The following SLCO4C1 variants were observed in gnomAD, a reference collection of about 807,000 sequenced individuals.
The protein encoded by SLCO4C1 is solute carrier organic anion transporter family member 4C1, also known as organic anion transporter M1.
SLCO4C1 carries 58 observed loss-of-function variants against 72.1 expected under a neutral mutation model. The ratio of observed to expected loss-of-function variants is 0.80; its 90% CI spans 0.65 to 1.00. The LOEUF (loss-of-function observed/expected upper bound fraction) is 1.00. Among genes scored for constraint, SLCO4C1 ranks in the 50% least tolerant of loss-of-function variants. SLCO4C1 has a pLI of 0.00. For synonymous variants in SLCO4C1, 297 were observed against 312.5 expected (o/e 0.95, Z 0.52); for missense variants, 898 against 857.9 (o/e 1.05, Z -0.58).
At position 102,257,328 on chromosome 5, in the gene SLCO4C1, T is replaced by A. The variant is rs779471618; in HGVS notation, c.1274-18A>T. On this transcript the variant is annotated intron_variant, in intron 7 of 12. Transcript: ENST00000310954. ...AACAGCCCCTAATAAGAAAAAAGAA[T>A]GTAGATTGTGAGAAACCATACACAT... 7 of 1,562,786 alleles carry A rather than the reference T, an allele frequency of 4.5e-6. No homozygotes were observed. The African/African-American group carries it at 5.5e-5, about 12-fold the overall frequency.
rs377383104 is a variant in SLCO4C1, at chr5:102,280,486, A to G, written c.620-9680T>C. 2.0e-5 allele frequency among the ~76,000 whole-genome samples: 3 copies of G among 152,144 alleles called. No homozygotes were observed. The South Asian group carries it at 6.2e-4, about 31-fold the overall frequency. On this transcript the variant is annotated intron_variant, in intron 2 of 12. Coordinates refer to ENST00000310954, the MANE Select transcript of SLCO4C1 (RefSeq NM_180991.5). The stretch of plus-strand genomic sequence containing the variant: ...ATCTAAATAAATGGAGTATAAATCC[A>G]TATATATTCATGGATTGGAAGACCC...
At chr5:102,256,118 C>G (rs1008676766) in intron 8 of SLCO4C1, among the ~76,000 whole-genome samples, 1 of 152,058 alleles carries the variant, frequency 6.6e-6, no homozygotes, top group Admixed American at 6.6e-5. Context: ...AGACAAGAAT[C>G]ATTTGAATTC....
chr5:102,269,652 C>T (rs77578707), intron 3 of SLCO4C1, among the ~76,000 whole-genome samples: 5,215 of 152,144 alleles, frequency 0.034, 105 homozygotes, highest in Middle Eastern at 0.061. Flanking sequence ...TTCTTTAAGA[C>T]CATTAGCTCA....
intron 2 of SLCO4C1, among the ~76,000 whole-genome samples, chr5:102,271,875 A>G (rs1292831573): frequency 2.0e-5 from 3 of 152,124 alleles, no homozygotes; most frequent in African/African-American, 4.8e-5. Context: ...GGCTATGTCT[A>G]TGTAATATGT....
intron 6 of SLCO4C1, among the ~76,000 whole-genome samples, chr5:102,258,440 T>G (rs952534424): frequency 1.3e-5 from 2 of 152,184 alleles, no homozygotes; most frequent in Non-Finnish European, 2.9e-5. Flanking sequence ...ATTTGATATT[T>G]TATTGTGTTC....
intron 1 of SLCO4C1, among the ~76,000 whole-genome samples, chr5:102,294,442 C>G (rs1481003027): frequency 2.6e-5 from 4 of 151,914 alleles, no homozygotes; most frequent in Admixed American, 2.6e-4. Context: ...CTAGGAGTGA[C>G]AATTACATTT....
intron 2 of SLCO4C1, among the ~76,000 whole-genome samples, chr5:102,289,948 T>C (rs1749522948): frequency 6.6e-6 from 1 of 152,236 alleles, no homozygotes. Context: ...TTTGTTATCA[T>C]TCTAGAATTG....
intron 8 of SLCO4C1, 24 bp from the exon 9 acceptor site, chr5:102,249,812 G>A: frequency 6.2e-7 from 1 of 1,605,768 alleles, no homozygotes; most frequent in Non-Finnish European, 8.5e-7. Flanking sequence ...ATGAAAGAAG[G>A]GTAAATGATC....
rs555455151 is a variant in SLCO4C1 at position 102,242,656 on chromosome 5, T to C, written c.1812-1874A>G. 3.3e-3 allele frequency among the ~76,000 whole-genome samples: 504 copies of C among 152,234 alleles called. 6 individuals carry two copies. Among genetic ancestry groups the C allele is most frequent in the African/African-American group, 0.012 (491 of 41,546 alleles). ...ACCAGTCCTGACAGCGTTCATATAC[T>C]TTTAAGTCATGAAGAGCCCTTGGGC... On this transcript the variant is annotated intron_variant, in intron 10 of 12. Coordinates refer to ENST00000310954, the MANE Select transcript of SLCO4C1 (RefSeq NM_180991.5).
intron 2 of SLCO4C1, among the ~76,000 whole-genome samples, chr5:102,281,541 A>T (rs61335461): frequency 0.27 from 41,643 of 151,960 alleles, 6,023 homozygotes; most frequent in Middle Eastern, 0.31. Flanking sequence ...GCAAACTAGC[A>T]TGTGACAAGA....
At chr5:102,272,946 A>G (rs1341024363) in intron 2 of SLCO4C1, among the ~76,000 whole-genome samples, 1 of 150,978 alleles carries the variant, frequency 6.6e-6, no homozygotes, top group Non-Finnish European at 1.5e-5. Flanking sequence ...CTTCATCTCA[A>G]AAAAAGAAAG....
Position 102,291,480 on chromosome 5 carries a change from A to T in SLCO4C1, c.482T>A (p.Phe161Tyr). Residue 161 changes from phenylalanine (F) to tyrosine (Y), a missense_variant, in exon 2 of 13, where the codon TTT becomes TAT. Physicochemically the swap from Phe to Tyr is conservative, Grantham distance 22. Transcript: ENST00000310954. Reference sequence around the variant, plus strand: ...TCCTCTTTCACCAAAGAATGATACAAATAAAGACAACAAACAGAATGAAAT... The same window carrying T: ...TCCTCTTTCACCAAAGAATGATACATATAAAGACAACAAACAGAATGAAAT... ...YDISFCLLSLFVSFFGERGHK... is the reference protein window; with the variant it reads ...YDISFCLLSLYVSFFGERGHK... 1 of 1,614,174 alleles carries T rather than the reference A, an allele frequency of 6.2e-7. No homozygotes were observed. The highest frequency in any genetic ancestry group is 8.5e-7 in the Non-Finnish European group (1 of 1,180,016).
intron 1 of SLCO4C1, among the ~76,000 whole-genome samples, chr5:102,294,448 C>T (rs1387884088): frequency 6.6e-6 from 1 of 152,048 alleles, no homozygotes; most frequent in South Asian, 2.1e-4. Flanking sequence ...GTGACAATTA[C>T]ATTTGATAAC....
chr5:102,267,148 A>T (rs1593076), intron 3 of SLCO4C1, among the ~76,000 whole-genome samples: 3,256 of 152,266 alleles, frequency 0.021, 122 homozygotes, highest in African/African-American at 0.075. Context: ...AGAATAAGTT[A>T]GGAAGAATTC....
rs1044688424 is a variant in SLCO4C1 at position 102,236,941 on chromosome 5, C to T, written c.2092G>A (p.Asp698Asn). Residue 698 changes from aspartate (D) to asparagine (N), a missense_variant, in exon 13 of 13, where the codon GAT becomes AAT. Physicochemically the swap from Asp to Asn is conservative, Grantham distance 23. Coordinates refer to ENST00000310954, the MANE Select transcript of SLCO4C1 (RefSeq NM_180991.5). ...FLYKPPPSAT[D>N]VSFHKENAVV... ...GCATTCTCTTTATGAAATGACACATCTGTGGCTGATGGAGGTGGTTTATAC... is the reference window on the plus strand; with the variant it reads ...GCATTCTCTTTATGAAATGACACATTTGTGGCTGATGGAGGTGGTTTATAC... 1 of 1,612,702 alleles carries T rather than the reference C, an allele frequency of 6.2e-7. No individual in the cohort carries two copies. The highest frequency in any genetic ancestry group is 8.5e-7 in the Non-Finnish European group (1 of 1,179,632).
At chr5:102,272,572 A>C (rs1200161781) in intron 2 of SLCO4C1, among the ~76,000 whole-genome samples, 2 of 152,200 alleles carry the variant, frequency 1.3e-5, no homozygotes, top group African/African-American at 4.8e-5. Context: ...TGTAGATTTT[A>C]AAATTACTAT....
At chr5:102,290,324 G>A (rs1241461999) in intron 2 of SLCO4C1, among the ~76,000 whole-genome samples, 1 of 152,142 alleles carries the variant, frequency 6.6e-6, no homozygotes, top group Non-Finnish European at 1.5e-5. Flanking sequence ...ATGATTTTAG[G>A]CGTGAGCCCC....
intron 10 of SLCO4C1, 76 bp downstream of exon 10, chr5:102,247,176 A>T: frequency 8.4e-7 from 1 of 1,191,428 alleles, no homozygotes; most frequent in Non-Finnish European, 1.1e-6. Context: ...TATGAACCCC[A>T]AATGAACCCC....
intron 9 of SLCO4C1, among the ~76,000 whole-genome samples, chr5:102,247,785 A>G (rs527676648): frequency 3.3e-5 from 5 of 152,222 alleles, no homozygotes; most frequent in African/African-American, 4.8e-5. Flanking sequence ...GTCATTTTAC[A>G]TCTCAACTCC....
Sources: allele counts gnomAD v4.1 joint callset (sites outside exome capture counted in the v4.1 genomes callset), GRCh38; gene constraint gnomAD v4.1.1; transcripts MANE v1.5; gene names NCBI Gene and HGNC (gene_info 2026-07-23, HGNC 2026-07-21).